TENM2: variants seen among roughly 807,000 people sequenced by gnomAD.
The protein encoded by TENM2 is teneurin transmembrane protein 2.
TENM2 carries 52 observed loss-of-function variants against 245.2 expected under a neutral mutation model. That is an observed-to-expected ratio of 0.21 (90% CI 0.17 to 0.27). The LOEUF is 0.27. Among genes scored for constraint, TENM2 ranks in the 10% least tolerant of loss-of-function variants. The pLI is 1.00. For synonymous variants in TENM2, 1,363 were observed against 1,438.9 expected (o/e 0.95, Z 1.19); for missense variants, 3,046 against 3,666.8 (o/e 0.83, Z 4.37).
At chr5:167,528,700 G>C (rs532431832) in intron 2 of TENM2, among the ~76,000 whole-genome samples, 1 of 152,234 alleles carries the variant, frequency 6.6e-6, no homozygotes, top group African/African-American at 2.4e-5. Context: ...AAGAAGATAT[G>C]ATTATGTTGA....
At chr5:167,474,639 C>T (rs573361487) in intron 2 of TENM2, among the ~76,000 whole-genome samples, 54 of 152,044 alleles carry the variant, frequency 3.6e-4, no homozygotes, top group African/African-American at 1.2e-3. Context: ...CTCAGCCTCC[C>T]GAGTAGCTGG....
At chr5:167,076,070 G>A in the TENM2 span, among the ~76,000 whole-genome samples, 1 of 152,198 alleles carries the variant, frequency 6.6e-6, no homozygotes, top group East Asian at 1.9e-4. Context: ...TCTTTAAGAG[G>A]CAGTATCCTA....
intron 2 of TENM2, among the ~76,000 whole-genome samples, chr5:167,815,173 C>T (rs911731149): frequency 3.3e-5 from 5 of 152,088 alleles, no homozygotes; most frequent in African/African-American, 9.7e-5. Flanking sequence ...TCGTATTAAC[C>T]CTTTTCATGT....
intron 2 of TENM2, among the ~76,000 whole-genome samples, chr5:167,568,935 C>T (rs1774089483): frequency 6.6e-6 from 1 of 151,996 alleles, no homozygotes; most frequent in African/African-American, 2.4e-5. Context: ...TTCTGTCTTT[C>T]TGTGTAACCT....
intron 2 of TENM2, among the ~76,000 whole-genome samples, chr5:167,469,150 G>GT (rs776662465): frequency 5.3e-5 from 8 of 152,088 alleles, no homozygotes; most frequent in Non-Finnish European, 1.2e-4. Context: ...AAGTTTGTGG[G>GT]TTTTCTTTTC....
At chr5:168,066,746 A>G (rs1016012403) in intron 7 of TENM2, among the ~76,000 whole-genome samples, 1 of 152,192 alleles carries the variant, frequency 6.6e-6, no homozygotes, top group Admixed American at 6.5e-5. Context: ...TCAAATTCTT[A>G]TGGGGATGGT....
At chr5:167,955,158 T>A (rs1267327208) in intron 4 of TENM2, among the ~76,000 whole-genome samples, 1 of 152,214 alleles carries the variant, frequency 6.6e-6, no homozygotes, top group Non-Finnish European at 1.5e-5. Flanking sequence ...TGATCGCCAT[T>A]GTAACTGGCA....
chr5:168,224,964 G>GTGA (rs1369109375), intron 23 of TENM2, among the ~76,000 whole-genome samples: 1 of 152,174 alleles, frequency 6.6e-6, no homozygotes, highest in African/African-American at 2.4e-5. Flanking sequence ...CTTGCTAAAG[G>GTGA]TGATGTGGGG....
chr5:168,227,765 GGC>G, intron 24 of TENM2, 128 bp from the exon 27 acceptor site: 1 of 598,238 alleles, frequency 1.7e-6, no homozygotes, highest in Non-Finnish European at 3.0e-6. Flanking sequence ...GCTAATTGAA[GGC>G]AGCCTTCGAC....
At chr5:168,057,380 C>T (rs1331698412) in intron 6 of TENM2, among the ~76,000 whole-genome samples, 1 of 151,982 alleles carries the variant, frequency 6.6e-6, no homozygotes, top group Non-Finnish European at 1.5e-5. Context: ...CAATGATCCT[C>T]CTGACCCACT....
At chr5:166,980,674 T>C in the TENM2 span, among the ~76,000 whole-genome samples, 29 of 152,102 alleles carry the variant, frequency 1.9e-4, no homozygotes, top group Admixed American at 1.9e-3. Flanking sequence ...CAGTGTATAG[T>C]TGTAAAATTT....
the TENM2 span, among the ~76,000 whole-genome samples, chr5:167,049,422 C>T: frequency 6.6e-6 from 1 of 152,138 alleles, no homozygotes; most frequent in Non-Finnish European, 1.5e-5. Context: ...TTTTACTGGT[C>T]ATTCCTTTTT....
intron 4 of TENM2, among the ~76,000 whole-genome samples, chr5:167,989,138 G>T (rs375005467): frequency 6.6e-6 from 1 of 152,114 alleles, no homozygotes; most frequent in African/African-American, 2.4e-5. Context: ...TCACATTCTG[G>T]TTGGGGATAG....
intron 2 of TENM2, among the ~76,000 whole-genome samples, chr5:167,693,134 T>G (rs548159161): frequency 3.3e-4 from 50 of 152,146 alleles, no homozygotes; most frequent in Non-Finnish European, 5.6e-4. Context: ...ATTAGTAGAG[T>G]GTGGCTGGCA....
chr5:167,271,708 C>G, the TENM2 span, among the ~76,000 whole-genome samples: 1 of 152,134 alleles, frequency 6.6e-6, no homozygotes, highest in Non-Finnish European at 1.5e-5. Flanking sequence ...ATTTCCTGTG[C>G]AAATGGCTCC....
intron 12 of TENM2, among the ~76,000 whole-genome samples, chr5:168,137,126 AC>A (rs1217836445): frequency 6.6e-6 from 1 of 152,200 alleles, no homozygotes; most frequent in Non-Finnish European, 1.5e-5. Context: ...GAAAGGGTTA[AC>A]CAATGGTCTA....
At chr5:167,443,747 A>G (rs1468090807) in intron 2 of TENM2, among the ~76,000 whole-genome samples, 1 of 152,138 alleles carries the variant, frequency 6.6e-6, no homozygotes, top group Admixed American at 6.6e-5. Context: ...TAAACCATGT[A>G]TTTTGTTTCC....
intron 2 of TENM2, among the ~76,000 whole-genome samples, chr5:167,575,876 A>C (rs1478313600): frequency 6.6e-6 from 1 of 152,138 alleles, no homozygotes; most frequent in Non-Finnish European, 1.5e-5. Context: ...TCTCAAATTC[A>C]ATCTCGTTTT....
At chr5:167,480,709 T>C (rs2077837) in intron 2 of TENM2, among the ~76,000 whole-genome samples, 32,461 of 152,166 alleles carry the variant, frequency 0.21, 3,463 homozygotes, top group East Asian at 0.36. Flanking sequence ...TCAGCTTCTT[T>C]AAGCTTCTAT....
Sources: gnomAD v4.1 joint callset for allele counts (sites outside exome capture counted in the v4.1 genomes callset) on GRCh38, gnomAD v4.1.1 for gene constraint, MANE v1.5 for transcripts, NCBI Gene and HGNC (gene_info 2026-07-23, HGNC 2026-07-21) for gene names.